Variants in PPP2R2C observed in about 807,000 individuals in gnomAD.
The protein encoded by PPP2R2C is protein phosphatase 2 regulatory subunit Bgamma, also known as protein phosphatase 2, regulatory subunit B, gamma.
A neutral mutation model predicts 45.3 loss-of-function variants in PPP2R2C; 10 were observed. That is an observed-to-expected ratio of 0.22 (90% confidence interval 0.14 to 0.37). The LOEUF (loss-of-function observed/expected upper bound fraction) is 0.37, where lower values mean the gene tolerates loss of function less well. Among genes scored for constraint, PPP2R2C ranks in the 10% least tolerant of loss-of-function variants. PPP2R2C has a pLI of 1.00. For synonymous variants in PPP2R2C, 257 were observed against 245.4 expected, an observed-to-expected ratio of 1.05 and a Z score of -0.44; for missense variants, 308 against 619.7, an observed-to-expected ratio of 0.50 and a Z score of 5.34.
upstream of PPP2R2C, among the ~76,000 whole-genome samples, chr4:6,476,123 C>T (rs747858618): frequency 2.6e-5 from 4 of 152,196 alleles, no homozygotes; most frequent in Non-Finnish European, 5.9e-5. Flanking sequence ...GTTGTTTACG[C>T]CACTTATCCT....
At chr4:6,549,530 TC>T (rs1474832320) in intron 1 of PPP2R2C, among the ~76,000 whole-genome samples, 3 of 152,088 alleles carry the variant, frequency 2.0e-5, no homozygotes, top group Non-Finnish European at 4.4e-5. Flanking sequence ...ACCTGTGCCT[TC>T]CTGGGCACGA....
At chr4:6,370,532 C>T (rs1165125184) in intron 5 of PPP2R2C, among the ~76,000 whole-genome samples, 4 of 152,160 alleles carry the variant, frequency 2.6e-5, no homozygotes, top group African/African-American at 9.7e-5. Context: ...GCATTCACCC[C>T]CAATTAGAGC....
intron 1 of PPP2R2C, among the ~76,000 whole-genome samples, chr4:6,414,438 C>T (rs965589554): frequency 4.6e-5 from 7 of 152,050 alleles, no homozygotes; most frequent in South Asian, 2.1e-4. Context: ...AGGGAAGTCA[C>T]GCAGAAAGCA....
intron 1 of PPP2R2C, among the ~76,000 whole-genome samples, chr4:6,398,857 G>C (rs1184060948): frequency 6.6e-6 from 1 of 152,106 alleles, no homozygotes; most frequent in Non-Finnish European, 1.5e-5. Context: ...TCATCAGCAG[G>C]GGAAGGAATA....
At position 6,511,381 on chromosome 4, in the gene PPP2R2C, G is replaced by GTGGTGA. The variant is rs1157183078; in HGVS notation, c.49+23884_49+23889dup. ...GGTAATGGTGGTGGTGGCGGTGATG[G>GTGGTGA]TGGTGATGGTGATGGTGGTGATGGT... On this transcript the variant is annotated intron_variant, in intron 2 of 9. Transcript: ENST00000506140. 1.9e-4 allele frequency among the ~76,000 whole-genome samples: 28 copies of GTGGTGA among 148,578 alleles called. No individual in the cohort carries two copies. The South Asian group carries it at 4.0e-3, about 21-fold the overall frequency.
chr4:6,467,925 C>A lies in PPP2R2C; in HGVS notation c.70+4235G>T, dbSNP rs143915168. 5.5e-4 allele frequency among the ~76,000 whole-genome samples: 84 copies of A among 152,240 alleles called. No individual in the cohort carries two copies. In the East Asian group the frequency reaches 0.014, roughly 26 times the overall value. On this transcript the variant is annotated intron_variant, in intron 1 of 8. Coordinates refer to ENST00000382599, the MANE Select transcript of PPP2R2C (RefSeq NM_020416.4). ...CCCTGTTCCCATCACAAGAGAGGGA[C>A]CAACTACCTGTGGTTCTCCCTACTT... is the stretch of plus-strand genomic sequence containing the variant.
chr4:6,501,268 G>A (rs1401521304), intron 2 of PPP2R2C, among the ~76,000 whole-genome samples: 5 of 152,116 alleles, frequency 3.3e-5, no homozygotes, highest in Admixed American at 2.6e-4. Context: ...CACCCATCAG[G>A]CCTGGGAACC....
At chr4:6,517,650 G>A (rs1396284909) in intron 2 of PPP2R2C, among the ~76,000 whole-genome samples, 1 of 152,166 alleles carries the variant, frequency 6.6e-6, no homozygotes, top group Non-Finnish European at 1.5e-5. Context: ...GCGGCTCTTT[G>A]GGATGTCTTC....
At chr4:6,496,231 C>CG (rs201272680) in intron 2 of PPP2R2C, among the ~76,000 whole-genome samples, 2,394 of 152,132 alleles carry the variant, frequency 0.016, 23 homozygotes, top group Middle Eastern at 0.062. Flanking sequence ...ACATATTTTG[C>CG]GGGGGGGCAA....
intron 2 of PPP2R2C, among the ~76,000 whole-genome samples, chr4:6,515,148 C>A (rs1723790224): frequency 6.6e-6 from 1 of 152,168 alleles, no homozygotes; most frequent in Admixed American, 6.6e-5. Context: ...CAACAGGATG[C>A]TAATACAGGT....
intron 5 of PPP2R2C, among the ~76,000 whole-genome samples, chr4:6,367,627 C>T (rs1040162212): frequency 3.9e-5 from 6 of 152,168 alleles, no homozygotes; most frequent in Admixed American, 6.5e-5. Context: ...AATGAAACGC[C>T]TCCTCTCATT....
In PPP2R2C at chr4:6,395,451, G is replaced by T. The variant is rs940361616; in HGVS notation, c.71-14357C>A. 2.6e-5 allele frequency among the ~76,000 whole-genome samples: 4 copies of T among 152,342 alleles called. No individual in the cohort carries two copies. The South Asian group carries it at 8.3e-4, about 32-fold the overall frequency. The stretch of plus-strand genomic sequence containing the variant: ...TGCAGCAAGGACCACCCGGTGTCCA[G>T]GGTAAGGCTGGTTTCCACCTCCCTT... On this transcript the variant is annotated intron_variant, in intron 1 of 8. Transcript: ENST00000382599.
At chr4:6,466,913 G>C (rs1434069998) in intron 1 of PPP2R2C, among the ~76,000 whole-genome samples, 1 of 152,158 alleles carries the variant, frequency 6.6e-6, no homozygotes, top group African/African-American at 2.4e-5. Context: ...GCAGGGGCGT[G>C]GGAGTTGGCC....
chr4:6,427,565 C>T (rs988040361), intron 1 of PPP2R2C, among the ~76,000 whole-genome samples: 1 of 152,242 alleles, frequency 6.6e-6, no homozygotes, highest in Non-Finnish European at 1.5e-5. Context: ...ACCCCATCTT[C>T]CTGGCCAAGC....
intron 6 of PPP2R2C, 50 bp downstream of exon 6, chr4:6,347,789 TCCCACCC>T: frequency 7.8e-4 from 806 of 1,033,252 alleles, no homozygotes; most frequent in Middle Eastern, 1.2e-3. Flanking sequence ...GGACAGGACA[TCCCACCC>T]GCCCGCCTGC....
At chr4:6,376,119 C>T (rs576346012) in intron 3 of PPP2R2C, among the ~76,000 whole-genome samples, 188 bp from the exon 4 acceptor site, 313 of 152,306 alleles carry the variant, frequency 2.1e-3, no homozygotes, top group Middle Eastern at 0.017. Flanking sequence ...CTGCAGATTT[C>T]GGAACGGCCA....
chr4:6,558,632 C>A (rs1725488018), intron 1 of PPP2R2C, among the ~76,000 whole-genome samples: 1 of 152,312 alleles, frequency 6.6e-6, no homozygotes, highest in African/African-American at 2.4e-5. Flanking sequence ...CTTTGGCAGC[C>A]AGGAACTACA....
chr4:6,457,207 CAAAAA>C (rs34145628), intron 1 of PPP2R2C, among the ~76,000 whole-genome samples: 1 of 88,812 alleles, frequency 1.1e-5, no homozygotes, highest in Admixed American at 1.4e-4. Flanking sequence ...GACTCCATCT[CAAAAA>C]AAAAAAAAAA....
In PPP2R2C at chr4:6,323,554, C is replaced by T; in HGVS notation, c.1092G>A (p.Met364Ile). 1 of 1,582,462 alleles carries T rather than the reference C, an allele frequency of 6.3e-7. No individual in the cohort carries two copies. The highest frequency in any genetic ancestry group is 8.6e-7 in the Non-Finnish European group (1 of 1,156,476). The change falls in exon 9 of 9, where the codon ATG becomes ATA. Residue 364 changes from methionine to isoleucine, a missense_variant. Transcript: ENST00000382599. ...CGTCCCGCTTGGTGTTCCGATCGAA[C>T]ATGCGGAAGAAGTTGTTGTAGGCCC... ...MTGAYNNFFR[M>I]FDRNTKRDVT...
Sources: gnomAD v4.1 joint callset for allele counts (sites outside exome capture counted in the v4.1 genomes callset) on GRCh38, gnomAD v4.1.1 for gene constraint, MANE v1.5 for transcripts, NCBI Gene and HGNC (gene_info 2026-07-23, HGNC 2026-07-21) for gene names.